Variants in FUS observed in about 807,000 individuals in gnomAD.
FUS encodes FUS RNA binding protein.
A neutral mutation model predicts 82.7 loss-of-function variants in FUS; 5 were observed. That is an observed-to-expected ratio of 0.06 (90% confidence interval 0.03 to 0.13). The LOEUF is 0.13. FUS is among the 10% of genes least tolerant of loss of function. The pLI, the probability that FUS is intolerant of heterozygous loss-of-function variation, is 1.00. For missense variants in FUS, 512 were observed against 707.8 expected (o/e 0.72, Z 3.14); for synonymous variants, 281 against 247.4 (o/e 1.14, Z -1.27).
chr16:31,180,953 C>T (rs2144094445), intron 1 of FUS, among the ~76,000 whole-genome samples: 1 of 152,122 alleles, frequency 6.6e-6, no homozygotes, highest in African/African-American at 2.4e-5. Flanking sequence ...TCCTCTGTCG[C>T]CCAGGCTGGA....
chr16:31,184,445 T>C (rs2079230140), intron 5 of FUS, 49 bp downstream of exon 5: 3 of 1,527,260 alleles, frequency 2.0e-6, no homozygotes, highest in South Asian at 2.3e-5. Flanking sequence ...TTTCTTTTTT[T>C]TTTTTTTTTT....
chr16:31,184,109 G>A, intron 4 of FUS, 100 bp from the exon 5 acceptor site: 2 of 1,612,792 alleles, frequency 1.2e-6, no homozygotes, highest in South Asian at 2.2e-5. Flanking sequence ...TTGGGGTAGG[G>A]GAGCCTGTGT....
Position 31,180,203 on chromosome 16 carries a change from G to C in FUS, c.-12G>C. 1 of 1,610,954 alleles carries C rather than the reference G, an allele frequency of 6.2e-7. No homozygotes were observed. The highest frequency in any genetic ancestry group is 2.2e-5 in the East Asian group (1 of 44,740). On this transcript the variant is annotated 5_prime_UTR_variant, in exon 1 of 15. Coordinates refer to ENST00000254108, the MANE Select transcript of FUS (RefSeq NM_004960.4). Reference sequence around the variant, plus strand: ...CTTCGTTGCTTGCTTGCCTGTGCGCGCGTGCGCGGACATGGCCTCAAACGG... The same window carrying C: ...CTTCGTTGCTTGCTTGCCTGTGCGCCCGTGCGCGGACATGGCCTCAAACGG...
intron 6 of FUS, chr16:31,186,501 A>C: frequency 4.1e-6 from 2 of 487,358 alleles, no homozygotes; most frequent in Non-Finnish European, 7.5e-6. Context: ...AGGAAAAAAA[A>C]ACATCTGCTC....
At chr16:31,193,598 CA>C, downstream of FUS, 3 of 529,586 alleles carry the variant, frequency 5.7e-6, no homozygotes, top group Non-Finnish European at 1.1e-5. Flanking sequence ...CTTCAAATGG[CA>C]TATGTGATTG....
rs372721739 is a variant in FUS, at chr16:31,191,021, C to T, written c.1452C>T (p.Tyr484=). 18 of 1,613,732 alleles carry T rather than the reference C, an allele frequency of 1.1e-5. No homozygotes were observed. The East Asian group carries it at 1.8e-4, about 16-fold the overall frequency. The part of the protein sequence containing the change: ...GGRGGYDRGG[Y]RGRGGDRGGF... ...GAGGAGGCTATGATCGAGGCGGCTACCGGGGCCGCGGCGGGGACCGTGGAG... is the reference window on the plus strand; with the variant it reads ...GAGGAGGCTATGATCGAGGCGGCTATCGGGGCCGCGGCGGGGACCGTGGAG... The change falls in exon 14 of 15, where the codon TAC becomes TAT. Residue 484 remains tyrosine (Y), a synonymous_variant. Transcript: ENST00000254108.
At position 31,190,310 on chromosome 16, in the gene FUS, AGTGGTGGTG is replaced by A; in HGVS notation, c.1209_1217del (p.Gly404_Gly406del). 1.9e-6 allele frequency: 3 copies of A among 1,613,768 alleles called. No homozygotes were observed. The highest frequency in any genetic ancestry group is 2.5e-6 in the Non-Finnish European group (3 of 1,179,754). On this transcript the variant is annotated inframe_deletion, in exon 12 of 15. Transcript: ENST00000254108. ...CCGTGGAGGCTATGGAGGTGGTGGC[AGTGGTGGTG>A]GTGGCCGAGGAGGATTTCCCAGTGG...
intron 7 of FUS, 141 bp downstream of exon 7, chr16:31,186,977 A>G (rs565802108): frequency 1.2e-6 from 1 of 801,480 alleles, no homozygotes. Flanking sequence ...GGTAGGGTAG[A>G]ATGCCACCTG....
At position 31,191,533 on chromosome 16, in the gene FUS, G is replaced by A. The variant is rs765897356; in HGVS notation, c.*95G>A. The A allele has an allele frequency of 7.3e-7, 1 of 1,369,750 alleles. No homozygotes were observed. Among genetic ancestry groups the A allele is most frequent in the Non-Finnish European group, 1.0e-6 (1 of 961,690 alleles). The allele number at this position is 1,369,750 out of a possible 1,614,324, so 84.8% of individuals were successfully genotyped here. ...ACCTTCCAATTCCTGATCACCCAAG[G>A]GTTTTTTTGTGTCGGACTATGTAAT... On this transcript the variant is annotated 3_prime_UTR_variant, in exon 15 of 15. Coordinates refer to ENST00000254108, the MANE Select transcript of FUS (RefSeq NM_004960.4).
downstream of FUS, chr16:31,194,646 G>T (rs781118941): frequency 3.3e-5 from 16 of 489,094 alleles, 1 homozygote; most frequent in South Asian, 2.5e-4. Context: ...TATTTATGGG[G>T]TACAATGTCC....
intron 1 of FUS, 144 bp downstream of exon 1, chr16:31,180,371 C>G (rs929022903): frequency 1.9e-6 from 2 of 1,036,770 alleles, no homozygotes; most frequent in East Asian, 2.6e-5. Context: ...AGAAGAGTAA[C>G]TGGAGGAGGC....
At chr16:31,180,653 C>T (rs1423935) in intron 1 of FUS, among the ~76,000 whole-genome samples, 1,570 of 152,314 alleles carry the variant, frequency 0.01, 23 homozygotes, top group African/African-American at 0.036. Context: ...CGCGGGTACC[C>T]CTTCCCCGCC....
At position 31,184,945 on chromosome 16, in the gene FUS, A is replaced by G. The variant is rs113216743; in HGVS notation, c.530A>G (p.Tyr177Cys). ...ATTCTTTCTTTTCTCACAGGTAACTATGGCCAAGATCAATCCTCCATGAGT... is the reference window on the plus strand; with the variant it reads ...ATTCTTTCTTTTCTCACAGGTAACTGTGGCCAAGATCAATCCTCCATGAGT... ...GGGGGGGGGN[Y>C]GQDQSSMSSG... The change falls in exon 6 of 15, where the codon TAT becomes TGT. Residue 177 changes from tyrosine (Y) to cysteine (C), a missense_variant. By Grantham distance (194) the Tyr-to-Cys change is radical (BLOSUM62 -2). Around this residue, in one of 6 missense-constraint regions of FUS, gnomAD observed 276 missense variants for 303.3 expected, o/e 0.91. Coordinates refer to ENST00000254108, the MANE Select transcript of FUS (RefSeq NM_004960.4). 1.9e-5 allele frequency: 30 copies of G among 1,612,584 alleles called. No homozygotes were observed. The African/African-American group carries it at 3.1e-4, about 17-fold the overall frequency.
At position 31,181,853 on chromosome 16, in the gene FUS, A is replaced by G. The variant is rs375139892; in HGVS notation, c.14-545A>G. ...GTCCACCAAGACCTTGGTTTTTCCA[A>G]TGGTTAAGGCTTCTGGGACTCTGTA... On this transcript the variant is annotated intron_variant, in intron 1 of 14. Transcript: ENST00000254108. Among the ~76,000 whole-genome samples, 8 of 152,270 alleles carry G rather than the reference A, an allele frequency of 5.3e-5. No homozygotes were observed. In the East Asian group the frequency reaches 9.6e-4, roughly 18 times the overall value.
At chr16:31,181,525 A>G (rs2079177613) in intron 1 of FUS, among the ~76,000 whole-genome samples, 3 of 152,262 alleles carry the variant, frequency 2.0e-5, no homozygotes, top group South Asian at 4.1e-4. Flanking sequence ...TTGGGGTCCA[A>G]GGGCTCTTTT....
chr16:31,185,142 G>A lies in FUS; in HGVS notation c.727G>A (p.Gly243Ser). ...NRSSGGYEPR[G>S]RGGGRGGRGG... is the part of the protein sequence containing the mutation. ...CAGCAGTGGTGGCTATGAACCCAGA[G>A]GTCGTGGAGGTGGCCGTGGAGGCAG... Residue 243 changes from glycine (G) to serine (S), a missense_variant, in exon 6 of 15, where the codon GGT becomes AGT. Physicochemically the swap from Gly to Ser is moderately conservative, Grantham distance 56. Coordinates refer to ENST00000254108, the MANE Select transcript of FUS (RefSeq NM_004960.4). 1 of 1,610,834 alleles carries A rather than the reference G, an allele frequency of 6.2e-7. No individual in the cohort carries two copies. The highest frequency in any genetic ancestry group is 8.5e-7 in the Non-Finnish European group (1 of 1,178,476).
intron 12 of FUS, 72 bp from the exon 13 acceptor site, chr16:31,190,670 G>A (rs149626275): frequency 1.5e-4 from 206 of 1,404,942 alleles, no homozygotes; most frequent in Middle Eastern, 9.0e-4. Context: ...TAAAGTCACC[G>A]TAGTTTCTTC....
downstream of FUS, chr16:31,194,267 TCTTC>T (rs769559027): frequency 1.9e-6 from 1 of 530,904 alleles, no homozygotes; most frequent in African/African-American, 1.9e-5. Context: ...TTTAGGCATG[TCTTC>T]CTTCCAGTCT....
At position 31,184,927 on chromosome 16, in the gene FUS, C is replaced by A; in HGVS notation, c.524-12C>A. The A allele has an allele frequency of 3.8e-6, 6 of 1,588,316 alleles. No individual in the cohort carries two copies. Among genetic ancestry groups the A allele is most frequent in the South Asian group, 1.1e-5 (1 of 88,552 alleles). On this transcript the variant is annotated splice_polypyrimidine_tract_variant and intron_variant, in intron 5 of 14. Transcript: ENST00000254108. ...TGTTTTTTTTTTTTAATCATTCTTTCTTTTCTCACAGGTAACTATGGCCAA... is the reference window on the plus strand; with the variant it reads ...TGTTTTTTTTTTTTAATCATTCTTTATTTTCTCACAGGTAACTATGGCCAA...
Sources: allele counts gnomAD v4.1 joint callset (sites outside exome capture counted in the v4.1 genomes callset), GRCh38; gene constraint gnomAD v4.1.1; regional missense constraint gnomAD v4.1.1; transcripts MANE v1.5; gene names NCBI Gene and HGNC (gene_info 2026-07-23, HGNC 2026-07-21).